Variants in TTC21B observed in about 807,000 individuals in gnomAD.
The protein encoded by TTC21B is tetratricopeptide repeat protein 21B.
TTC21B carries 127 observed loss-of-function variants against 175.1 expected under a neutral mutation model. The ratio of observed to expected loss-of-function variants is 0.73; its 90% CI spans 0.63 to 0.84. The LOEUF (loss-of-function observed/expected upper bound fraction) is 0.84. TTC21B is among the 40% of genes least tolerant of loss of function. The pLI is 0.00. For synonymous variants in TTC21B, 524 were observed against 524.5 expected (o/e 1.00, Z 0.01); for missense variants, 1,561 against 1,558.3 (o/e 1.00, Z -0.03).
intron 12 of TTC21B, 57 bp from the exon 13 acceptor site, chr2:165,919,490 A>C: frequency 6.4e-7 from 1 of 1,573,926 alleles, no homozygotes; most frequent in South Asian, 1.1e-5. Context: ...TGGAGATCTG[A>C]GAGGGAAGAG....
Position 165,883,810 on chromosome 2 carries a change from C to A in TTC21B, c.3668G>T (p.Cys1223Phe), listed in dbSNP as rs1225739712. 7 of 1,613,496 alleles carry A rather than the reference C, an allele frequency of 4.3e-6. No individual in the cohort carries two copies. In the East Asian group the frequency reaches 1.1e-4, roughly 26 times the overall value. ...ATCACCTACTCTATTATGACGCAGGCACCGTTTTAACAGGTCTTCTGCCAT... is the reference window on the plus strand; with the variant it reads ...ATCACCTACTCTATTATGACGCAGGAACCGTTTTAACAGGTCTTCTGCCAT... ...YDMAEDLLKRCLRHNRSCCKA... is the reference protein window; with the variant it reads ...YDMAEDLLKRFLRHNRSCCKA... Residue 1223 changes from cysteine to phenylalanine, a missense_variant, in exon 26 of 29, where the codon TGC becomes TTC. Transcript: ENST00000243344.
chr2:165,946,003 T>A (rs1687546045), intron 3 of TTC21B, among the ~76,000 whole-genome samples: 1 of 152,162 alleles, frequency 6.6e-6, no homozygotes, highest in Non-Finnish European at 1.5e-5. Context: ...AAATCTGGTA[T>A]TTCATAATAA....
chr2:165,951,965 T>C (rs1459083584), intron 1 of TTC21B, among the ~76,000 whole-genome samples: 1 of 151,848 alleles, frequency 6.6e-6, no homozygotes, highest in Non-Finnish European at 1.5e-5. Flanking sequence ...GACTCTTGAA[T>C]TGCAAACCCC....
chr2:165,914,680 T>TACGTGCGCGCGCGCGC (rs1553511366), intron 15 of TTC21B, among the ~76,000 whole-genome samples: 3 of 144,164 alleles, frequency 2.1e-5, no homozygotes, highest in Non-Finnish European at 4.5e-5. Context: ...TGTGTGTGTG[T>TACGTGCGCGCGCGCGC]GTGTGTGTGT....
intron 19 of TTC21B, among the ~76,000 whole-genome samples, chr2:165,905,828 C>G (rs1251932770): frequency 6.6e-6 from 1 of 152,084 alleles, no homozygotes; most frequent in African/African-American, 2.4e-5. Flanking sequence ...TACGGTTGAA[C>G]TAAGTATTTA....
At chr2:165,935,215 C>T (rs928130973) in intron 6 of TTC21B, among the ~76,000 whole-genome samples, 2 of 152,180 alleles carry the variant, frequency 1.3e-5, no homozygotes, top group Admixed American at 1.3e-4. Context: ...TATGGGGAAA[C>T]ATTCTTCTAT....
intron 20 of TTC21B, among the ~76,000 whole-genome samples, chr2:165,900,405 A>C (rs1462919918): frequency 6.6e-6 from 1 of 152,224 alleles, no homozygotes; most frequent in Non-Finnish European, 1.5e-5. Context: ...CTAGTTATTA[A>C]ATTCTAGAGG....
At chr2:165,878,436 G>C (rs535441700) in intron 27 of TTC21B, among the ~76,000 whole-genome samples, 1 of 151,980 alleles carries the variant, frequency 6.6e-6, no homozygotes, top group Non-Finnish European at 1.5e-5. Flanking sequence ...AACATGAGTA[G>C]TTTCTTCTCT....
intron 3 of TTC21B, chr2:165,948,858 A>C (rs1687673419): frequency 6.5e-6 from 1 of 154,412 alleles, no homozygotes; most frequent in South Asian, 2.0e-4. Context: ...CTGGCAGTTT[A>C]CACAACTTTA....
At position 165,911,418 on chromosome 2, in the gene TTC21B, A is replaced by G; in HGVS notation, c.2370T>C (p.Tyr790=). 2 of 1,613,874 alleles carry G rather than the reference A, an allele frequency of 1.2e-6. No individual in the cohort carries two copies. The highest frequency in any genetic ancestry group is 1.7e-6 in the Non-Finnish European group (2 of 1,179,896). The part of the protein sequence containing the change: ...EAALKTGQKN[Y]LCYDLAELLL... ...AGAGCTCAGCCAGGTCATAGCAAAG[A>G]TAATTCTTTTGTCCAGTTTTCAGAG... Residue 790 remains tyrosine, a synonymous_variant, in exon 18 of 29, where the codon TAT becomes TAC. Coordinates refer to ENST00000243344, the MANE Select transcript of TTC21B (RefSeq NM_024753.5).
At chr2:165,932,298 A>G (rs892068985) in intron 7 of TTC21B, among the ~76,000 whole-genome samples, 3 of 152,184 alleles carry the variant, frequency 2.0e-5, no homozygotes, top group South Asian at 2.1e-4. Flanking sequence ...AGTACTTAGT[A>G]TAAGTAATTT....
At chr2:165,899,682 C>G in intron 21 of TTC21B, 88 bp downstream of exon 21, 1 of 832,148 alleles carries the variant, frequency 1.2e-6, no homozygotes, top group East Asian at 2.5e-5. Flanking sequence ...TGAGCCATGC[C>G]TCATCATCTA....
At chr2:165,878,776 G>T (rs961627854) in intron 27 of TTC21B, among the ~76,000 whole-genome samples, 1 of 151,010 alleles carries the variant, frequency 6.6e-6, no homozygotes, top group East Asian at 2.0e-4. Flanking sequence ...CCACCTCTCG[G>T]GTTCAAGCAA....
chr2:165,911,912 G>A (rs1021740283), intron 17 of TTC21B, among the ~76,000 whole-genome samples: 10 of 152,036 alleles, frequency 6.6e-5, no homozygotes, highest in South Asian at 2.1e-4. Flanking sequence ...TGATCCACCC[G>A]TCTTGGCCTC....
At chr2:165,923,636 A>G (rs928809740) in intron 12 of TTC21B, among the ~76,000 whole-genome samples, 21 of 149,210 alleles carry the variant, frequency 1.4e-4, no homozygotes, top group Non-Finnish European at 2.5e-4. Context: ...TAGAGACAGG[A>G]TTTCACCATG....
In TTC21B at chr2:165,915,238, G is replaced by A. The variant is rs1403298131; in HGVS notation, c.2101C>T (p.His701Tyr). 3.1e-6 allele frequency: 5 copies of A among 1,613,760 alleles called. No individual in the cohort carries two copies. Residue 701 changes from histidine to tyrosine, a missense_variant, in exon 15 of 29, where the codon CAC (histidine) becomes TAC (tyrosine). By Grantham distance (83) the His-to-Tyr change is moderately conservative. Coordinates refer to ENST00000243344, the MANE Select transcript of TTC21B (RefSeq NM_024753.5). ...REKMADIYLK[H>Y]RKDKMLYITC... is the part of the protein sequence containing the mutation. Reference sequence around the variant, plus strand: ...ATATATAACATTTTATCTTTTCTGTGCTTCAGATAAATATCTGCCATTTTT... The same window carrying A: ...ATATATAACATTTTATCTTTTCTGTACTTCAGATAAATATCTGCCATTTTT...
chr2:165,907,970 A>T (rs1421936127), intron 18 of TTC21B, among the ~76,000 whole-genome samples, 186 bp from the exon 19 acceptor site: 1 of 152,170 alleles, frequency 6.6e-6, no homozygotes, highest in Non-Finnish European at 1.5e-5. Context: ...GATTTAGGAT[A>T]AAAACTGGCT....
At chr2:165,922,223 T>C (rs1574108720) in intron 12 of TTC21B, among the ~76,000 whole-genome samples, 1 of 152,144 alleles carries the variant, frequency 6.6e-6, no homozygotes, top group East Asian at 1.9e-4. Flanking sequence ...ATCATGTGGC[T>C]TAATAGTACA....
chr2:165,937,771 C>CCACACACACACACACA (rs4001021), intron 6 of TTC21B, among the ~76,000 whole-genome samples: 11 of 127,634 alleles, frequency 8.6e-5, no homozygotes, highest in South Asian at 3.0e-4. Context: ...TATATAGAAA[C>CCACACACACACACACA]CACACACACA....
Sources: gnomAD v4.1 joint callset for allele counts (sites outside exome capture counted in the v4.1 genomes callset) on GRCh38, gnomAD v4.1.1 for gene constraint, MANE v1.5 for transcripts, NCBI Gene and HGNC (gene_info 2026-07-23, HGNC 2026-07-21) for gene names.